Variants in DLG2 observed in about 807,000 individuals in gnomAD.
The protein encoded by DLG2 is disks large homolog 2.
Under a neutral mutation model 132.5 loss-of-function variants are expected in DLG2, and 45 were observed. The observed-to-expected ratio is 0.34, with a 90% confidence interval of 0.27 to 0.44. The LOEUF is 0.44. DLG2 is among the 20% of genes least tolerant of loss of function. The pLI is 1.00. For synonymous variants in DLG2, 424 were observed against 419.6 expected (o/e 1.01, Z -0.13); for missense variants, 1,045 against 1,196.9 (o/e 0.87, Z 1.87).
chr11:84,097,563 T>C lies in DLG2; in HGVS notation c.749+1360A>G, dbSNP rs150450648. Among the ~76,000 whole-genome samples the C allele has an allele frequency of 3.9e-5, 6 of 152,316 alleles. No individual in the cohort carries two copies. In the East Asian group the frequency reaches 1.2e-3, roughly 29 times the overall value. ...CTCCACTGCAAAATCTCCATTGCAG[T>C]GAACCCTCTTGAATAAACTCTTCCT... On this transcript the variant is annotated intron_variant, in intron 10 of 27. Coordinates refer to ENST00000376104, the MANE Select transcript of DLG2 (RefSeq NM_001142699.3).
intron 9 of DLG2, among the ~76,000 whole-genome samples, chr11:84,117,919 G>C (rs1234671817): frequency 6.6e-6 from 1 of 151,962 alleles, no homozygotes; most frequent in South Asian, 2.1e-4. Flanking sequence ...GCAACGGTGC[G>C]ATCTCGGCTC....
intron 9 of DLG2, among the ~76,000 whole-genome samples, chr11:84,153,325 G>A (rs370191725): frequency 6.6e-6 from 1 of 151,964 alleles, no homozygotes; most frequent in East Asian, 1.9e-4. Flanking sequence ...CTTGGGGTTG[G>A]TCATCTTGTA....
At chr11:84,581,884 C>T (rs540341566) in intron 6 of DLG2, among the ~76,000 whole-genome samples, 14 of 130,174 alleles carry the variant, frequency 1.1e-4, no homozygotes, top group Non-Finnish European at 1.5e-4. Flanking sequence ...TCTAGCCTGG[C>T]GACACAGTGA....
Position 83,562,260 on chromosome 11 carries a change from ATAGT to A in DLG2, c.1941-20406_1941-20403del, listed in dbSNP as rs113885228. Among the ~76,000 whole-genome samples the A allele has an allele frequency of 9.9e-3, 1,508 of 152,254 alleles. 19 individuals carry two copies. The highest frequency in any genetic ancestry group is 0.035 in the African/African-American group (1,433 of 41,530). On this transcript the variant is annotated intron_variant, in intron 19 of 27. Transcript: ENST00000376104. ...AGTGACTCTTTATATACACTCTTAT[ATAGT>A]TAAAGTGACGCTTTAACTCTTAGAA...
intron 4 of DLG2, among the ~76,000 whole-genome samples, chr11:85,193,352 T>C (rs148998464): frequency 1.1e-3 from 166 of 152,358 alleles, no homozygotes; most frequent in Non-Finnish European, 1.6e-3. Flanking sequence ...TTTTGGCTAT[T>C]ATGAATAATG....
chr11:85,418,687 C>A (rs2090058011), intron 3 of DLG2, among the ~76,000 whole-genome samples: 1 of 152,124 alleles, frequency 6.6e-6, no homozygotes, highest in Non-Finnish European at 1.5e-5. Context: ...ATCCCTTTAC[C>A]ATTAAGTAAT....
intron 6 of DLG2, among the ~76,000 whole-genome samples, chr11:84,968,383 G>T (rs1485400062): frequency 1.3e-5 from 2 of 152,020 alleles, no homozygotes; most frequent in Admixed American, 1.3e-4. Flanking sequence ...TAACTTTTGG[G>T]GAGTCAGATG....
At chr11:84,037,422 G>A (rs1325811468) in intron 11 of DLG2, among the ~76,000 whole-genome samples, 1 of 152,084 alleles carries the variant, frequency 6.6e-6, no homozygotes, top group African/African-American at 2.4e-5. Context: ...GTTTCTTTTA[G>A]TTAGAGAATA....
intron 6 of DLG2, among the ~76,000 whole-genome samples, chr11:84,817,137 G>T (rs2077164711): frequency 6.6e-6 from 1 of 152,006 alleles, no homozygotes; most frequent in African/African-American, 2.4e-5. Context: ...GGCACTCAGA[G>T]CAATCTTTTA....
At chr11:85,622,458 A>G (rs929238557) in intron 2 of DLG2, among the ~76,000 whole-genome samples, 14 of 152,092 alleles carry the variant, frequency 9.2e-5, no homozygotes, top group African/African-American at 2.9e-4. Context: ...AGAACTTAAG[A>G]AAAACTAGAG....
chr11:84,386,751 G>C (rs190680484), intron 7 of DLG2, among the ~76,000 whole-genome samples: 1 of 151,938 alleles, frequency 6.6e-6, no homozygotes, highest in African/African-American at 2.4e-5. Context: ...TTCTCACATC[G>C]AGGTCAAATA....
chr11:84,923,761 T>C (rs2092874180), intron 6 of DLG2, among the ~76,000 whole-genome samples: 1 of 152,096 alleles, frequency 6.6e-6, no homozygotes, highest in Non-Finnish European at 1.5e-5. Flanking sequence ...TCATATAAAG[T>C]CCCCTAAAAT....
At chr11:83,466,910 G>T in intron 25 of DLG2, 93 bp from the exon 26 acceptor site, 4 of 794,246 alleles carry the variant, frequency 5.0e-6, no homozygotes, top group Non-Finnish European at 8.4e-6. Flanking sequence ...TTTAGAGGAA[G>T]GTAGGGGATG....
intron 6 of DLG2, among the ~76,000 whole-genome samples, chr11:84,620,472 G>A (rs1472994515): frequency 2.0e-5 from 3 of 151,882 alleles, no homozygotes; most frequent in Non-Finnish European, 4.4e-5. Context: ...AGTGGGAGAA[G>A]ACATCTATGA....
chr11:85,338,865 C>T (rs529571990), intron 3 of DLG2, among the ~76,000 whole-genome samples: 20 of 151,970 alleles, frequency 1.3e-4, no homozygotes, highest in Admixed American at 2.6e-4. Flanking sequence ...CCACCGTGCC[C>T]GGCTAATCTT....
At chr11:85,116,041 G>A (rs575905622) in intron 5 of DLG2, among the ~76,000 whole-genome samples, 2 of 151,898 alleles carry the variant, frequency 1.3e-5, no homozygotes, top group Non-Finnish European at 2.9e-5. Flanking sequence ...TTACTCATCC[G>A]TGAGACTCTA....
intron 18 of DLG2, among the ~76,000 whole-genome samples, chr11:83,748,319 A>T (rs1253243238): frequency 6.6e-6 from 1 of 152,210 alleles, no homozygotes; most frequent in Non-Finnish European, 1.5e-5. Flanking sequence ...TTAGACCTGT[A>T]TTCTGTTCTC....
chr11:84,933,408 T>G (rs2048329221), intron 6 of DLG2, among the ~76,000 whole-genome samples: 1 of 152,212 alleles, frequency 6.6e-6, no homozygotes, highest in African/African-American at 2.4e-5. Flanking sequence ...GTGAAGAATC[T>G]AAATGGTAGT....
chr11:85,387,197 A>G (rs1246826783), intron 3 of DLG2, among the ~76,000 whole-genome samples: 1 of 152,118 alleles, frequency 6.6e-6, no homozygotes, highest in Non-Finnish European at 1.5e-5. Flanking sequence ...TTTCTTAATG[A>G]AATATATTTT....
Sources: gnomAD v4.1 joint callset for allele counts (sites outside exome capture counted in the v4.1 genomes callset) on GRCh38, gnomAD v4.1.1 for gene constraint, MANE v1.5 for transcripts, NCBI Gene and HGNC (gene_info 2026-07-23, HGNC 2026-07-21) for gene names.